CRB1: variants seen among roughly 807,000 people sequenced by gnomAD.
CRB1 encodes protein crumbs homolog 1.
Under a neutral mutation model 120.0 loss-of-function variants are expected in CRB1, and 83 were observed. That is an observed-to-expected ratio of 0.69 (90% CI 0.58 to 0.83). The LOEUF (loss-of-function observed/expected upper bound fraction) is 0.83. Among genes scored for constraint, CRB1 ranks in the 40% least tolerant of loss-of-function variants. CRB1 has a pLI of 0.00. For synonymous variants in CRB1, 625 were observed against 612.5 expected, an observed-to-expected ratio of 1.02 and a Z score of -0.30; for missense variants, 1,699 against 1,687.6, an observed-to-expected ratio of 1.01 and a Z score of -0.12.
intron 11 of CRB1, among the ~76,000 whole-genome samples, chr1:197,453,504 GTATATATA>G (rs1203581871): frequency 5.1e-4 from 71 of 138,666 alleles, no homozygotes; most frequent in African/African-American, 1.8e-3. Flanking sequence ...ATATATATGT[GTATATATA>G]TGTGTGTGTG....
chr1:197,278,956 T>A (rs1655372681), intron 1 of CRB1, among the ~76,000 whole-genome samples: 1 of 151,892 alleles, frequency 6.6e-6, no homozygotes, highest in African/African-American at 2.4e-5. Flanking sequence ...ATGTCAGAAG[T>A]CTGTGCATGG....
chr1:197,252,582 A>ATATATATGTGTGTG, the CRB1 span, among the ~76,000 whole-genome samples: 48 of 15,488 alleles, frequency 3.1e-3, no homozygotes, highest in Admixed American at 5.7e-3. Flanking sequence ...ATATATATAT[A>ATATATATGTGTGTG]TGTGTGTGTG....
intron 1 of CRB1, among the ~76,000 whole-genome samples, chr1:197,277,461 TACA>T (rs1655276789): frequency 6.6e-6 from 1 of 152,054 alleles, no homozygotes; most frequent in South Asian, 2.1e-4. Flanking sequence ...ACCAGCTCTG[TACA>T]ACAAGCAATT....
chr1:197,230,384 T>C, the CRB1 span, among the ~76,000 whole-genome samples: 1 of 152,200 alleles, frequency 6.6e-6, no homozygotes, highest in East Asian at 1.9e-4. Context: ...GTTGCATTAA[T>C]AAGATTTTTA....
At chr1:197,324,229 G>T (rs193209991) in intron 1 of CRB1, among the ~76,000 whole-genome samples, 76 of 152,212 alleles carry the variant, frequency 5.0e-4, no homozygotes, top group South Asian at 2.1e-4. Context: ...GAGAATGTGT[G>T]CTGGTGCTAA....
chr1:197,380,114 C>A (rs936148115), intron 5 of CRB1, among the ~76,000 whole-genome samples: 3 of 152,174 alleles, frequency 2.0e-5, no homozygotes, highest in East Asian at 1.9e-4. Flanking sequence ...CTTAACACCT[C>A]GGTTCTGCAG....
At chr1:197,252,582 A>ATATATATGTGTGTGTG in the CRB1 span, among the ~76,000 whole-genome samples, 23 of 15,486 alleles carry the variant, frequency 1.5e-3, no homozygotes, top group Non-Finnish European at 2.1e-3. Flanking sequence ...ATATATATAT[A>ATATATATGTGTGTGTG]TGTGTGTGTG....
At chr1:197,327,101 A>ACAAC (rs1377938957) in intron 1 of CRB1, among the ~76,000 whole-genome samples, 1 of 40,036 alleles carries the variant, frequency 2.5e-5, no homozygotes, top group Non-Finnish European at 5.0e-5. Flanking sequence ...CAAAAAAAAA[A>ACAAC]AAAAAAAAAA....
chr1:197,369,447 A>C (rs1469407333), intron 5 of CRB1, among the ~76,000 whole-genome samples: 1 of 151,648 alleles, frequency 6.6e-6, no homozygotes, highest in East Asian at 1.9e-4. Flanking sequence ...AGTATCCAAA[A>C]CCTCTTCCTG....
the CRB1 span, among the ~76,000 whole-genome samples, chr1:197,242,095 A>G: frequency 6.6e-6 from 1 of 152,144 alleles, no homozygotes; most frequent in African/African-American, 2.4e-5. Context: ...TTGGGCTGAG[A>G]TGATGGGGTT....
At chr1:197,202,884 G>A in the CRB1 span, among the ~76,000 whole-genome samples, 3 of 152,012 alleles carry the variant, frequency 2.0e-5, no homozygotes, top group South Asian at 2.1e-4. Context: ...TTGAAAATAC[G>A]TTGCAGGAAA....
intron 5 of CRB1, among the ~76,000 whole-genome samples, chr1:197,364,792 G>A (rs533343382): frequency 6.6e-6 from 1 of 152,014 alleles, no homozygotes; most frequent in Non-Finnish European, 1.5e-5. Context: ...CATCTCAGGA[G>A]AATTTGTAAT....
the CRB1 span, among the ~76,000 whole-genome samples, chr1:197,206,104 T>C: frequency 6.6e-6 from 1 of 152,092 alleles, no homozygotes; most frequent in African/African-American, 2.4e-5. Context: ...CTGTAATATC[T>C]CCCATTTCAT....
the CRB1 span, among the ~76,000 whole-genome samples, chr1:197,220,487 G>A: frequency 6.6e-6 from 1 of 152,206 alleles, no homozygotes; most frequent in African/African-American, 2.4e-5. Flanking sequence ...AAGATCCAAG[G>A]AGATGGGAGC....
At position 197,438,565 on chromosome 1, in the gene CRB1, A is replaced by C; in HGVS notation, c.3768A>C (p.Ser1256=). The change falls in exon 10 of 12, where the codon TCA becomes TCC. Residue 1256 remains serine, a synonymous_variant. Transcript: ENST00000367400. ...GKFCRQSRLP[S]TVCGNEKTNL... ...TCTCTAGACAGAGCAGATTACCCTCAACAGTCTGTGGGAATGAGAAGACAA... is the reference window on the plus strand; with the variant it reads ...TCTCTAGACAGAGCAGATTACCCTCCACAGTCTGTGGGAATGAGAAGACAA... 1 of 1,612,616 alleles carries C rather than the reference A, an allele frequency of 6.2e-7. No homozygotes were observed. Among genetic ancestry groups the C allele is most frequent in the East Asian group, 2.2e-5 (1 of 44,840 alleles).
chr1:197,218,504 C>G, the CRB1 span, among the ~76,000 whole-genome samples: 1 of 152,140 alleles, frequency 6.6e-6, no homozygotes, highest in Non-Finnish European at 1.5e-5. Flanking sequence ...GATTTTTAGC[C>G]TCATTTTGGC....
chr1:197,288,442 A>T (rs769559673), intron 1 of CRB1, among the ~76,000 whole-genome samples: 7 of 151,908 alleles, frequency 4.6e-5, no homozygotes, highest in Non-Finnish European at 8.8e-5. Flanking sequence ...TGTTTCTAAA[A>T]AACTGCATTG....
chr1:197,201,591 G>A, the CRB1 span, among the ~76,000 whole-genome samples: 1 of 152,226 alleles, frequency 6.6e-6, no homozygotes, highest in Non-Finnish European at 1.5e-5. Flanking sequence ...TCGAAACCGT[G>A]AGGCTTTTGC....
intron 8 of CRB1, among the ~76,000 whole-genome samples, chr1:197,433,550 T>C (rs1664978789): frequency 6.6e-6 from 1 of 151,588 alleles, no homozygotes; most frequent in Non-Finnish European, 1.5e-5. Flanking sequence ...AATAATAGAG[T>C]GAGACCATGG....
Sources: allele counts gnomAD v4.1 joint callset (sites outside exome capture counted in the v4.1 genomes callset), GRCh38; gene constraint gnomAD v4.1.1; transcripts MANE v1.5; gene names NCBI Gene and HGNC (gene_info 2026-07-23, HGNC 2026-07-21).